Variants in INSR observed in about 807,000 individuals in gnomAD.
INSR encodes IR.
A neutral mutation model predicts 142.6 loss-of-function variants in INSR; 67 were observed. That is an observed-to-expected ratio of 0.47 (90% CI 0.39 to 0.58). INSR has a LOEUF of 0.58. INSR is among the 20% of genes least tolerant of loss of function. The probability of loss-of-function intolerance (pLI) is 0.00; values close to 1 mark genes in which losing one functional copy is unlikely to be tolerated. For missense variants in INSR, 1,248 were observed against 1,833.2 expected (o/e 0.68, Z 5.83); for synonymous variants, 756 against 743.1 (o/e 1.02, Z -0.28).
At chr19:7,193,687 C>T (rs1329711737) in intron 2 of INSR, among the ~76,000 whole-genome samples, 1 of 151,428 alleles carries the variant, frequency 6.6e-6, no homozygotes, top group East Asian at 1.9e-4. Flanking sequence ...CAAGTAGCTT[C>T]TTCTTTCATT....
chr19:7,161,234 A>G (rs1260542486), intron 9 of INSR, among the ~76,000 whole-genome samples: 1 of 149,308 alleles, frequency 6.7e-6, no homozygotes, highest in African/African-American at 2.4e-5. Context: ...AATGCACTTA[A>G]TGCCTTTTTT....
intron 8 of INSR, among the ~76,000 whole-genome samples, chr19:7,163,925 TAAAAA>T (rs748862314): frequency 2.2e-4 from 10 of 44,588 alleles, no homozygotes; most frequent in African/African-American, 9.3e-4. Context: ...CTATCTCTAC[TAAAAA>T]AAAAAAAAAA....
chr19:7,199,657 C>G (rs1234632532), intron 2 of INSR, among the ~76,000 whole-genome samples: 1 of 149,614 alleles, frequency 6.7e-6, no homozygotes, highest in Non-Finnish European at 1.5e-5. Context: ...CTTTGGCTCC[C>G]CAAAGCGCTG....
Position 7,116,700 on chromosome 19 carries a change from CAAA to C in INSR, c.*353_*355del, listed in dbSNP as rs71177157. On this transcript the variant is annotated 3_prime_UTR_variant, in exon 22 of 22. Coordinates refer to ENST00000302850, the MANE Select transcript of INSR (RefSeq NM_000208.4). The stretch of plus-strand genomic sequence containing the variant: ...TTTTATACTGAAGCTCAGACACCAG[CAAA>C]AAAAAAAAAAAAAAAAAAGAATTTG... The C allele has an allele frequency of 9.3e-4, 47 of 50,518 alleles. No homozygotes were observed. Among genetic ancestry groups the C allele is most frequent in the South Asian group, 2.8e-3 (2 of 710 alleles). 3.1% of individuals were successfully genotyped at this position (50,518 alleles called of 1,614,324 possible). A position where few individuals can be genotyped will look rare whatever the true frequency, so the allele number is the denominator to read the frequency against.
chr19:7,211,718 G>A (rs35950506), intron 2 of INSR, among the ~76,000 whole-genome samples: 133 of 152,250 alleles, frequency 8.7e-4, no homozygotes, highest in Non-Finnish European at 1.7e-3. Flanking sequence ...GGTCAGGGCC[G>A]GCAGCCGCGG....
chr19:7,211,110 T>C (rs1308063932), intron 2 of INSR, among the ~76,000 whole-genome samples: 1 of 151,826 alleles, frequency 6.6e-6, no homozygotes, highest in East Asian at 1.9e-4. Context: ...CTCAGCTGCA[T>C]GGGCTGGAGT....
At chr19:7,257,762 G>C (rs545412675) in intron 2 of INSR, among the ~76,000 whole-genome samples, 16 of 152,176 alleles carry the variant, frequency 1.1e-4, no homozygotes, top group Non-Finnish European at 2.1e-4. Context: ...CAGCTGGGCT[G>C]TATGGCCTCA....
chr19:7,252,377 G>T (rs1600095141), intron 2 of INSR, among the ~76,000 whole-genome samples: 1 of 151,984 alleles, frequency 6.6e-6, no homozygotes, highest in East Asian at 1.9e-4. Context: ...CTGCACTCCA[G>T]CCTGGGTGAC....
chr19:7,254,853 AG>A (rs1321236049), intron 2 of INSR, among the ~76,000 whole-genome samples: 2 of 152,140 alleles, frequency 1.3e-5, no homozygotes, highest in Non-Finnish European at 2.9e-5. Flanking sequence ...ATCAGGTAGG[AG>A]GAAGGAAAAG....
intron 21 of INSR, among the ~76,000 whole-genome samples, chr19:7,117,729 C>T (rs1452058182): frequency 6.6e-6 from 1 of 152,064 alleles, no homozygotes; most frequent in Non-Finnish European, 1.5e-5. Context: ...ACCTTGGCCT[C>T]CCAAGTAGCT....
chr19:7,183,623 C>T (rs1029048084), intron 3 of INSR, among the ~76,000 whole-genome samples: 6 of 152,070 alleles, frequency 3.9e-5, no homozygotes, highest in Non-Finnish European at 8.8e-5. Flanking sequence ...ACACGAAAGA[C>T]CTTGGTATAT....
rs1600065816 is a variant in INSR at position 7,230,819 on chromosome 19, AAAT to A, written c.652+36523_652+36525del. Among the ~76,000 whole-genome samples, 9 of 151,414 alleles carry A rather than the reference AAAT, an allele frequency of 5.9e-5. 1 individual carries two copies. The highest frequency in any genetic ancestry group is 7.3e-5 in the African/African-American group (3 of 41,166). ...AGACTCCATCTCAAAAATAAAAAAA[AAAT>A]AAAAAATATTAGCTCAAGGCCTCCT... On this transcript the variant is annotated intron_variant, in intron 2 of 21. Transcript: ENST00000302850.
chr19:7,162,684 G>A (rs910614127), intron 9 of INSR, among the ~76,000 whole-genome samples: 1 of 151,572 alleles, frequency 6.6e-6, no homozygotes, highest in African/African-American at 2.4e-5. Context: ...GCCGGGCGTG[G>A]TGGCGCGTGC....
At chr19:7,269,964 TTTG>T (rs572892683) in intron 1 of INSR, among the ~76,000 whole-genome samples, 14 of 152,218 alleles carry the variant, frequency 9.2e-5, no homozygotes, top group Middle Eastern at 6.8e-3. Context: ...TTGTGGGGTT[TTTG>T]TTGTTGTTGT....
intron 17 of INSR, among the ~76,000 whole-genome samples, chr19:7,124,018 G>C (rs1216536972): frequency 6.7e-6 from 1 of 148,460 alleles, no homozygotes; most frequent in Non-Finnish European, 1.5e-5. Context: ...TCAGGAGATC[G>C]AGACCATCCT....
intron 3 of INSR, among the ~76,000 whole-genome samples, chr19:7,178,005 G>A (rs917845784): frequency 5.3e-5 from 8 of 151,984 alleles, no homozygotes; most frequent in Non-Finnish European, 7.4e-5. Flanking sequence ...CACACAGAAC[G>A]CAATTTTATC....
chr19:7,237,016 G>A (rs1443189598), intron 2 of INSR, among the ~76,000 whole-genome samples: 1 of 142,540 alleles, frequency 7.0e-6, no homozygotes, highest in African/African-American at 2.7e-5. Context: ...GACAGCGTGA[G>A]ACTCTGTCTC....
At chr19:7,202,997 T>A (rs371121002) in intron 2 of INSR, among the ~76,000 whole-genome samples, 2 of 60,654 alleles carry the variant, frequency 3.3e-5, no homozygotes, top group Non-Finnish European at 6.0e-5. Flanking sequence ...GGTTTTGTTG[T>A]TTTTTTTTTT....
chr19:7,286,483 G>A (rs1968347467), intron 1 of INSR, among the ~76,000 whole-genome samples: 1 of 151,594 alleles, frequency 6.6e-6, no homozygotes. Context: ...AACCTTCTGG[G>A]CTCAAGCGAT....
Sources: gnomAD v4.1 joint callset for allele counts (sites outside exome capture counted in the v4.1 genomes callset) on GRCh38, gnomAD v4.1.1 for gene constraint, MANE v1.5 for transcripts, NCBI Gene and HGNC (gene_info 2026-07-23, HGNC 2026-07-21) for gene names.